The following TSHZ3 variants were observed in gnomAD, a reference collection of about 807,000 sequenced individuals.
TSHZ3 encodes the protein teashirt zinc finger homeobox 3.
A neutral mutation model predicts 64.5 loss-of-function variants in TSHZ3; 10 were observed. The observed-to-expected ratio is 0.16, with a 90% CI of 0.10 to 0.26. TSHZ3 has a LOEUF of 0.26. Among genes scored for constraint, TSHZ3 ranks in the 10% least tolerant of loss-of-function variants. The pLI, the probability that TSHZ3 is intolerant of heterozygous loss-of-function variation, is 1.00. For synonymous variants in TSHZ3, 608 were observed against 593.1 expected, an observed-to-expected ratio of 1.03 and a Z score of -0.36; for missense variants, 1,242 against 1,421.7, an observed-to-expected ratio of 0.87 and a Z score of 2.03.
At chr19:31,302,426 T>A (rs943485968) in intron 1 of TSHZ3, among the ~76,000 whole-genome samples, 1 of 152,218 alleles carries the variant, frequency 6.6e-6, no homozygotes, top group South Asian at 2.1e-4. Context: ...CTCACACCTG[T>A]TCATAAGTGG....
chr19:31,289,682 G>A (rs910131954), intron 1 of TSHZ3, among the ~76,000 whole-genome samples: 4 of 152,216 alleles, frequency 2.6e-5, no homozygotes, highest in African/African-American at 9.6e-5. Flanking sequence ...CTGCAGCACG[G>A]TTCTGGCTGG....
At chr19:31,317,350 T>C (rs1241588734) in intron 1 of TSHZ3, among the ~76,000 whole-genome samples, 1 of 152,158 alleles carries the variant, frequency 6.6e-6, no homozygotes, top group African/African-American at 2.4e-5. Flanking sequence ...TGCAGCCACA[T>C]CGGGACGATG....
At chr19:31,219,957 A>C (rs1447535273) in intron 4 of TSHZ3, among the ~76,000 whole-genome samples, 1 of 152,012 alleles carries the variant, frequency 6.6e-6, no homozygotes, top group Admixed American at 6.6e-5. Context: ...TGATCAATTG[A>C]TTATTTGATC....
intron 1 of TSHZ3, among the ~76,000 whole-genome samples, chr19:31,264,477 C>T (rs918081537): frequency 1.3e-5 from 2 of 152,190 alleles, no homozygotes; most frequent in African/African-American, 4.8e-5. Flanking sequence ...CCCTCAAATC[C>T]TCACCTCAGT....
chr19:31,294,164 G>A (rs866431858), intron 1 of TSHZ3, among the ~76,000 whole-genome samples: 2 of 152,280 alleles, frequency 1.3e-5, no homozygotes, highest in Middle Eastern at 3.4e-3. Flanking sequence ...CTGAGCACCT[G>A]CATGGTAGCC....
intron 1 of TSHZ3, among the ~76,000 whole-genome samples, chr19:31,324,695 C>G (rs975747240): frequency 6.6e-6 from 1 of 152,228 alleles, no homozygotes; most frequent in African/African-American, 2.4e-5. Context: ...ACTACCATTG[C>G]TTCTAAAACA....
intron 5 of TSHZ3, among the ~76,000 whole-genome samples, chr19:31,188,631 G>A (rs531744380): frequency 6.6e-6 from 1 of 151,874 alleles, no homozygotes; most frequent in South Asian, 2.1e-4. Context: ...ATTTTTTAAT[G>A]TTAAAACAAT....
intron 3 of TSHZ3, among the ~76,000 whole-genome samples, chr19:31,235,412 T>C (rs1975593906): frequency 6.6e-6 from 1 of 152,022 alleles, no homozygotes; most frequent in African/African-American, 2.4e-5. Flanking sequence ...TCAACTGTTT[T>C]AGGTTCCACA....
intron 1 of TSHZ3, 69 bp downstream of exon 1, chr19:31,349,111 C>T: frequency 6.6e-7 from 1 of 1,511,262 alleles, no homozygotes; most frequent in South Asian, 1.2e-5. Context: ...GGGGTCGCGC[C>T]CGCTGGAGGC....
intron 1 of TSHZ3, among the ~76,000 whole-genome samples, chr19:31,346,738 TA>T (rs1392912564): frequency 6.8e-6 from 1 of 146,144 alleles, no homozygotes; most frequent in Non-Finnish European, 1.5e-5. Context: ...CTGGGAAAAC[TA>T]AAAAAGAGGA....
intron 1 of TSHZ3, among the ~76,000 whole-genome samples, chr19:31,245,564 A>G (rs970788515): frequency 1.3e-5 from 2 of 152,220 alleles, no homozygotes; most frequent in African/African-American, 4.8e-5. Context: ...GCTTCTGTGT[A>G]GTTAAAACAC....
chr19:31,315,230 T>C (rs1379640588), intron 1 of TSHZ3, among the ~76,000 whole-genome samples: 1 of 152,268 alleles, frequency 6.6e-6, no homozygotes, highest in Non-Finnish European at 1.5e-5. Flanking sequence ...TTTTTGTTTC[T>C]TTTTCTTTTC....
intron 1 of TSHZ3, among the ~76,000 whole-genome samples, chr19:31,339,904 TAA>T (rs35723828): frequency 6.9e-6 from 1 of 145,082 alleles, no homozygotes; most frequent in Non-Finnish European, 1.5e-5. Flanking sequence ...AAATTGACTT[TAA>T]AAAAAAAAAA....
intron 1 of TSHZ3, among the ~76,000 whole-genome samples, chr19:31,295,058 G>A (rs574076792): frequency 6.6e-6 from 1 of 151,998 alleles, no homozygotes; most frequent in Admixed American, 6.6e-5. Flanking sequence ...TATGATTAAG[G>A]GTGTTCTCAT....
intron 1 of TSHZ3, among the ~76,000 whole-genome samples, chr19:31,286,688 A>C (rs1976469933): frequency 6.6e-6 from 1 of 152,220 alleles, no homozygotes; most frequent in Non-Finnish European, 1.5e-5. Context: ...CCACACAGGA[A>C]GTGTGGGAGG....
At chr19:31,213,389 A>AAAAAAC (rs1432035434) in intron 4 of TSHZ3, among the ~76,000 whole-genome samples, 1 of 147,186 alleles carries the variant, frequency 6.8e-6, no homozygotes, top group Non-Finnish European at 1.5e-5. Flanking sequence ...AAAAAAAAAA[A>AAAAAAC]AATCAGTGGT....
At chr19:31,326,425 T>C (rs764789607) in intron 1 of TSHZ3, among the ~76,000 whole-genome samples, 1 of 152,236 alleles carries the variant, frequency 6.6e-6, no homozygotes, top group Admixed American at 6.5e-5. Context: ...TACTGTCAAA[T>C]CTTTCAGGGC....
At chr19:31,249,668 C>T (rs886879100) in intron 1 of TSHZ3, among the ~76,000 whole-genome samples, 3 of 152,222 alleles carry the variant, frequency 2.0e-5, no homozygotes, top group Non-Finnish European at 2.9e-5. Context: ...AATACGCCTC[C>T]GCTGAGACCT....
At chr19:31,240,413 G>T (rs1220495774) in intron 3 of TSHZ3, among the ~76,000 whole-genome samples, 1 of 152,104 alleles carries the variant, frequency 6.6e-6, no homozygotes, top group Non-Finnish European at 1.5e-5. Flanking sequence ...TTCGTGAGAA[G>T]AATGACACTT....
Sources: gnomAD v4.1 joint callset for allele counts (sites outside exome capture counted in the v4.1 genomes callset) on GRCh38, gnomAD v4.1.1 for gene constraint, MANE v1.5 for transcripts, NCBI Gene and HGNC (gene_info 2026-07-23, HGNC 2026-07-21) for gene names.